CDH4: variants seen among roughly 807,000 people sequenced by gnomAD.
CDH4 encodes cadherin 4.
A neutral mutation model predicts 86.0 loss-of-function variants in CDH4; 33 were observed. The ratio of observed to expected loss-of-function variants is 0.38; its 90% CI spans 0.29 to 0.51. The LOEUF is 0.51. CDH4 is among the 20% of genes least tolerant of loss of function. The pLI, the probability that CDH4 is intolerant of heterozygous loss-of-function variation, is 0.86. For synonymous variants in CDH4, 555 were observed against 549.4 expected (o/e 1.01, Z -0.14); for missense variants, 1,114 against 1,307.4 (o/e 0.85, Z 2.28).
intron 2 of CDH4, among the ~76,000 whole-genome samples, chr20:61,436,083 C>T (rs1166417219): frequency 6.6e-6 from 1 of 152,186 alleles, no homozygotes; most frequent in Non-Finnish European, 1.5e-5. Flanking sequence ...TGCTCATGCT[C>T]CAGATCCCAG....
intron 2 of CDH4, among the ~76,000 whole-genome samples, chr20:61,342,541 G>A (rs2079592296): frequency 6.6e-6 from 1 of 152,214 alleles, no homozygotes; most frequent in Non-Finnish European, 1.5e-5. Flanking sequence ...GAGCTCAGGC[G>A]AGAATGTGAG....
chr20:61,508,393 GCC>G (rs1208893258), intron 2 of CDH4, among the ~76,000 whole-genome samples: 2 of 152,204 alleles, frequency 1.3e-5, no homozygotes, highest in Non-Finnish European at 2.9e-5. Context: ...CCACACGGGT[GCC>G]CCCAGCCCCA....
intron 4 of CDH4, among the ~76,000 whole-genome samples, chr20:61,777,057 A>G (rs1056196711): frequency 1.1e-4 from 17 of 152,320 alleles, no homozygotes; most frequent in African/African-American, 3.6e-4. Flanking sequence ...TAATTCGCCA[A>G]CCAGATCATT....
At chr20:61,363,010 A>C (rs1188523836) in intron 2 of CDH4, among the ~76,000 whole-genome samples, 7 of 152,130 alleles carry the variant, frequency 4.6e-5, no homozygotes, top group Non-Finnish European at 1.0e-4. Flanking sequence ...AGAGTTGAAA[A>C]GTGGCTCTGG....
Position 61,600,196 on chromosome 20 carries a change from G to C in CDH4, c.170-143367G>C, listed in dbSNP as rs568764929. Among the ~76,000 whole-genome samples, 20 of 152,368 alleles carry C rather than the reference G, an allele frequency of 1.3e-4. No individual in the cohort carries two copies. The South Asian group carries it at 3.9e-3, about 30-fold the overall frequency. On this transcript the variant is annotated intron_variant, in intron 2 of 15. Coordinates refer to ENST00000614565, the MANE Select transcript of CDH4 (RefSeq NM_001794.5). ...GCGGTGAGGCCGCTGCTGCAGAACC[G>C]GAGGCCTGTGCATCTAATTTTAGTG...
intron 2 of CDH4, among the ~76,000 whole-genome samples, chr20:61,716,538 C>T (rs181670116): frequency 1.6e-4 from 24 of 152,332 alleles, no homozygotes; most frequent in African/African-American, 5.1e-4. Flanking sequence ...TAAGGTAATC[C>T]CCATGGGCTT....
At chr20:61,665,818 C>G (rs1179433653) in intron 2 of CDH4, among the ~76,000 whole-genome samples, 1 of 152,214 alleles carries the variant, frequency 6.6e-6, no homozygotes, top group African/African-American at 2.4e-5. Flanking sequence ...CGTACACGGT[C>G]CTCCAGCAAA....
chr20:61,679,455 C>T (rs992134852), intron 2 of CDH4, among the ~76,000 whole-genome samples: 9 of 152,200 alleles, frequency 5.9e-5, no homozygotes, highest in Non-Finnish European at 2.9e-5. Context: ...CAGCACCCCA[C>T]GTTGAGGACC....
At chr20:61,565,092 T>TTGGTGGTGG (rs1555809025) in intron 2 of CDH4, among the ~76,000 whole-genome samples, 1 of 63,802 alleles carries the variant, frequency 1.6e-5, no homozygotes, top group African/African-American at 7.9e-5. Flanking sequence ...GGTGGTGCTC[T>TTGGTGGTGG]TGGTGGTGCT....
chr20:61,919,815 TGTGTC>T (rs2054946561), intron 9 of CDH4, among the ~76,000 whole-genome samples: 2 of 117,680 alleles, frequency 1.7e-5, no homozygotes, highest in African/African-American at 6.7e-5. Context: ...TGTGTGGAAG[TGTGTC>T]GTGATTGCAT....
chr20:61,873,318 T>G (rs1022977677), intron 6 of CDH4, among the ~76,000 whole-genome samples: 1 of 152,194 alleles, frequency 6.6e-6, no homozygotes, highest in Non-Finnish European at 1.5e-5. Flanking sequence ...AGTCCCTTCC[T>G]TTAAGCCCAA....
At chr20:61,499,486 A>G in intron 2 of CDH4, 1 of 1,289,064 alleles carries the variant, frequency 7.8e-7, no homozygotes, top group Non-Finnish European at 1.0e-6. Flanking sequence ...ACCCTGCTTT[A>G]AAGAAGGCAA....
chr20:61,707,162 G>A (rs1000535709), intron 2 of CDH4, among the ~76,000 whole-genome samples: 34 of 152,366 alleles, frequency 2.2e-4, no homozygotes, highest in East Asian at 1.7e-3. Flanking sequence ...AGCGCATGGC[G>A]GGGATGCCAG....
At chr20:61,893,559 G>A (rs187697571) in intron 7 of CDH4, among the ~76,000 whole-genome samples, 121 of 147,120 alleles carry the variant, frequency 8.2e-4, no homozygotes, top group African/African-American at 2.0e-3. Context: ...CATGAATAGA[G>A]GGATTGTGGG....
At chr20:61,878,353 C>T (rs1480386071) in intron 7 of CDH4, among the ~76,000 whole-genome samples, 3 of 152,180 alleles carry the variant, frequency 2.0e-5, no homozygotes, top group Non-Finnish European at 4.4e-5. Flanking sequence ...CAGACCCAGG[C>T]GTGGCCTGCA....
At chr20:61,788,278 G>C (rs1018378288) in intron 4 of CDH4, among the ~76,000 whole-genome samples, 10 of 152,158 alleles carry the variant, frequency 6.6e-5, no homozygotes, top group African/African-American at 2.4e-4. Flanking sequence ...GCTTCACTTT[G>C]TGTGTGTATG....
rs770412656 is a variant in CDH4 at position 61,934,234 on chromosome 20, G to A, written c.2544+14G>A. 2.5e-5 allele frequency: 38 copies of A among 1,517,928 alleles called. No homozygotes were observed. Among genetic ancestry groups the A allele is most frequent in the African/African-American group, 2.0e-4 (14 of 71,252 alleles). 94.0% of individuals were successfully genotyped at this position (1,517,928 alleles called of 1,614,324 possible). On this transcript the variant is annotated intron_variant, in intron 15 of 15. Coordinates refer to ENST00000614565, the MANE Select transcript of CDH4 (RefSeq NM_001794.5). ...TTCATCAATGAGGTGTGTGCCTCTC[G>A]GCAGTGGGGGGCCCGGGCAAGGTGT... is the stretch of plus-strand genomic sequence containing the variant.
At chr20:61,473,056 C>T (rs1397260557) in intron 2 of CDH4, among the ~76,000 whole-genome samples, 1 of 152,118 alleles carries the variant, frequency 6.6e-6, no homozygotes, top group Non-Finnish European at 1.5e-5. Flanking sequence ...CTAGTCTTTG[C>T]CAATTGCCAT....
At position 61,501,746 on chromosome 20, in the gene CDH4, T is replaced by C. The variant is rs902642734; in HGVS notation, c.170-241817T>C. 3.3e-5 allele frequency among the ~76,000 whole-genome samples: 5 copies of C among 152,132 alleles called. No individual in the cohort carries two copies. The highest frequency in any genetic ancestry group is 1.2e-4 in the African/African-American group (5 of 41,422). ...CACCACCCCGCCACTGCCTCCACCA[T>C]TCGTTAGGGAGCCACTCATTATGGG... On this transcript the variant is annotated intron_variant, in intron 2 of 15. Coordinates refer to ENST00000614565, the MANE Select transcript of CDH4 (RefSeq NM_001794.5). This position sits in a 1 kb window ranked among gnomAD's most constrained non-coding sequence, Gnocchi z 4.2.
Sources: allele counts gnomAD v4.1 joint callset (sites outside exome capture counted in the v4.1 genomes callset), GRCh38; gene constraint gnomAD v4.1.1; non-coding constraint Gnocchi (gnomAD v3.1); transcripts MANE v1.5; gene names NCBI Gene and HGNC (gene_info 2026-07-23, HGNC 2026-07-21).